ZNF333: variants seen among roughly 807,000 people sequenced by gnomAD.
ZNF333 encodes zinc finger protein 333.
In ZNF333, 61 loss-of-function variants were observed where a neutral mutation model predicts 76.1. The observed-to-expected ratio is 0.80, with a 90% CI of 0.65 to 0.99. ZNF333 has a LOEUF of 0.99. Among genes scored for constraint, ZNF333 ranks in the 50% least tolerant of loss-of-function variants. The pLI is 0.00. For missense variants in ZNF333, 717 were observed against 822.4 expected, an observed-to-expected ratio of 0.87 and a Z score of 1.57; for synonymous variants, 284 against 305.0, an observed-to-expected ratio of 0.93 and a Z score of 0.72.
intron 1 of ZNF333, among the ~76,000 whole-genome samples, chr19:14,690,781 C>CTT (rs1016070828): frequency 6.6e-6 from 1 of 151,970 alleles, no homozygotes; most frequent in African/African-American, 2.4e-5. Flanking sequence ...TTTCTTTCTT[C>CTT]TTTTTTTTCT....
intron 4 of ZNF333, among the ~76,000 whole-genome samples, chr19:14,696,360 G>C (rs548104518): frequency 6.1e-4 from 93 of 152,040 alleles, no homozygotes; most frequent in Middle Eastern, 6.8e-3. Context: ...CCCTCCCTCA[G>C]CCCCTGGCAG....
intron 6 of ZNF333, chr19:14,706,097 C>T: frequency 2.2e-6 from 1 of 457,594 alleles, no homozygotes; most frequent in Non-Finnish European, 4.4e-6. Flanking sequence ...CCAGCTGCCT[C>T]TCCTGTCCCT....
chr19:14,724,548 C>T (rs2147038136), downstream of ZNF333, among the ~76,000 whole-genome samples: 1 of 152,232 alleles, frequency 6.6e-6, no homozygotes, highest in South Asian at 2.1e-4. Flanking sequence ...GGTGGATCAC[C>T]TGAGGTCAGG....
Position 14,717,825 on chromosome 19 carries a change from C to T in ZNF333, c.900+92C>T, listed in dbSNP as rs544474498. 1.5e-4 allele frequency: 190 copies of T among 1,267,820 alleles called. No individual in the cohort carries two copies. In the African/African-American group the frequency reaches 2.0e-3, roughly 13 times the overall value. The allele number at this position is 1,267,820 out of a possible 1,614,324, so 78.5% of individuals were successfully genotyped here. The stretch of plus-strand genomic sequence containing the variant: ...AGAAAAGCAGCCCAAGAGCCAAGAG[C>T]GATTCGAGGCAAGAAGTGTTTACCC... On this transcript the variant is annotated intron_variant, in intron 11 of 11. Transcript: ENST00000292530.
chr19:14,705,958 G>A, intron 6 of ZNF333: 1 of 386,064 alleles, frequency 2.6e-6, no homozygotes. Flanking sequence ...AGCCCTGCAT[G>A]AGGAGAAAAG....
rs1041380645 is a variant in ZNF333, at chr19:14,720,163, G to GCAA, written c.*841_*843dup. 3 of 971,462 alleles carry GCAA rather than the reference G, an allele frequency of 3.1e-6. No individual in the cohort carries two copies. In the African/African-American group the frequency reaches 5.3e-5, roughly 17 times the overall value. 60.2% of individuals were successfully genotyped at this position (971,462 alleles called of 1,614,324 possible). ...ATTGCGCCACTGCACTCCAGCCTGGGCAACAGAGTGAAACTCTGTCTCAAA... is the reference window on the plus strand; with the variant it reads ...ATTGCGCCACTGCACTCCAGCCTGGGCAACAACAGAGTGAAACTCTGTCTCAAA... On this transcript the variant is annotated 3_prime_UTR_variant, in exon 12 of 12. Coordinates refer to ENST00000292530, the MANE Select transcript of ZNF333 (RefSeq NM_032433.4).
chr19:14,717,549 G>A, intron 10 of ZNF333, 108 bp from the exon 11 acceptor site: 1 of 902,096 alleles, frequency 1.1e-6, no homozygotes, highest in East Asian at 2.4e-5. Context: ...CATAGGACCA[G>A]TATTTGGGAA....
At chr19:14,730,568 A>G (rs2042662628) in intron 11 of ZNF333, among the ~76,000 whole-genome samples, 1 of 149,142 alleles carries the variant, frequency 6.7e-6, no homozygotes, top group Non-Finnish European at 1.5e-5. Context: ...TAAATTTAAG[A>G]GTTTATTATT....
rs548789960 is a variant in ZNF333, at chr19:14,705,547, G to A, written c.423+377G>A. 3.3e-5 allele frequency among the ~76,000 whole-genome samples: 5 copies of A among 152,336 alleles called. No homozygotes were observed. The South Asian group carries it at 1.0e-3, about 32-fold the overall frequency. On this transcript the variant is annotated intron_variant, in intron 6 of 11. Coordinates refer to ENST00000292530, the MANE Select transcript of ZNF333 (RefSeq NM_032433.4). ...AGGGAGCATCCAGGCTCAGGGAAGT[G>A]AGGACCTCTTGGCTCAGGGCCCTGC... is the stretch of plus-strand genomic sequence containing the variant.
At chr19:14,705,941 C>A in intron 6 of ZNF333, 1 of 354,888 alleles carries the variant, frequency 2.8e-6, no homozygotes, top group Non-Finnish European at 5.6e-6. Context: ...CTGTAAGGCA[C>A]GTCCTGAGCC....
chr19:14,731,052 T>C, intron 11 of ZNF333: 1 of 805,142 alleles, frequency 1.2e-6, no homozygotes. Context: ...AGGCAGTCCC[T>C]TACATGCTGC....
Position 14,718,500 on chromosome 19 carries a change from G to A in ZNF333, c.1173G>A (p.Glu391=). Residue 391 remains glutamate (E), a synonymous_variant, in exon 12 of 12, where the codon GAG becomes GAA. Transcript: ENST00000292530. ...LIRHEKTHTA[E]KCFDCQECGQ... ...GGCATGAGAAGACTCATACTGCAGA[G>A]AAGTGCTTTGACTGTCAAGAATGTG... 1 of 1,614,230 alleles carries A rather than the reference G, an allele frequency of 6.2e-7. No individual in the cohort carries two copies. The highest frequency in any genetic ancestry group is 8.5e-7 in the Non-Finnish European group (1 of 1,180,048).
chr19:14,707,708 CGCCCG>C, intron 7 of ZNF333, among the ~76,000 whole-genome samples: 1 of 149,170 alleles, frequency 6.7e-6, no homozygotes, highest in East Asian at 2.0e-4. Context: ...CCCACCACCA[CGCCCG>C]GCTAATTTTT....
At chr19:14,692,946 C>T (rs1972884064) in intron 1 of ZNF333, among the ~76,000 whole-genome samples, 1 of 151,434 alleles carries the variant, frequency 6.6e-6, no homozygotes, top group Non-Finnish European at 1.5e-5. Context: ...CCTCAGCCTC[C>T]CTCCCGAGCA....
At chr19:14,715,010 G>T (rs2042383612) in intron 7 of ZNF333, 1 of 187,594 alleles carries the variant, frequency 5.3e-6, no homozygotes, top group African/African-American at 2.4e-5. Context: ...TGGAGTCTAT[G>T]GCTCTTGGGA....
chr19:14,700,160 ATGC>A (rs1973575316), intron 5 of ZNF333: 1 of 151,542 alleles, frequency 6.6e-6, no homozygotes, highest in Non-Finnish European at 1.5e-5. Flanking sequence ...CTGAGTCACC[ATGC>A]CCAGCTAATT....
intron 11 of ZNF333, among the ~76,000 whole-genome samples, chr19:14,729,074 C>T (rs990345944): frequency 1.3e-5 from 2 of 152,020 alleles, no homozygotes; most frequent in Admixed American, 6.6e-5. Context: ...AATGCGTGAC[C>T]GAGGGAACAG....
intron 5 of ZNF333, 167 bp downstream of exon 5, chr19:14,699,448 C>T: frequency 1.7e-6 from 1 of 602,772 alleles, no homozygotes; most frequent in Non-Finnish European, 2.9e-6. Flanking sequence ...TGGGCAAACC[C>T]AGACTGTTGC....
chr19:14,706,612 A>T, intron 6 of ZNF333, 74 bp from the exon 7 acceptor site: 1 of 1,135,042 alleles, frequency 8.8e-7, no homozygotes, highest in South Asian at 1.2e-5. Context: ...ATGCACGTTC[A>T]TTTGGGGTGA....
Sources: allele counts gnomAD v4.1 joint callset (sites outside exome capture counted in the v4.1 genomes callset), GRCh38; gene constraint gnomAD v4.1.1; transcripts MANE v1.5; gene names NCBI Gene and HGNC (gene_info 2026-07-23, HGNC 2026-07-21).